Variants in TARS3 observed in about 807,000 individuals in gnomAD.
TARS3 encodes threonine--tRNA ligase 2, cytoplasmic.
Under a neutral mutation model 103.5 loss-of-function variants are expected in TARS3, and 94 were observed. The ratio of observed to expected loss-of-function variants is 0.91; its 90% CI spans 0.77 to 1.08. TARS3 has a LOEUF of 1.08. TARS3 is among the 50% of genes least tolerant of loss of function. The pLI, the probability that TARS3 is intolerant of heterozygous loss-of-function variation, is 0.00. For missense variants in TARS3, 952 were observed against 995.2 expected, an observed-to-expected ratio of 0.96 and a Z score of 0.58; for synonymous variants, 416 against 355.4, an observed-to-expected ratio of 1.17 and a Z score of -1.92.
chr15:101,710,009 T>A (rs1488108438), intron 5 of TARS3, among the ~76,000 whole-genome samples: 1 of 152,084 alleles, frequency 6.6e-6, no homozygotes, highest in Non-Finnish European at 1.5e-5. Flanking sequence ...CAAGGCATGA[T>A]TAAAGGGTTG....
chr15:101,700,803 G>A (rs566741350), intron 10 of TARS3, among the ~76,000 whole-genome samples: 5 of 151,948 alleles, frequency 3.3e-5, no homozygotes, highest in East Asian at 1.9e-4. Flanking sequence ...CACCACACTC[G>A]GCTAATTTTT....
intron 18 of TARS3, 88 bp downstream of exon 18, chr15:101,656,834 A>G (rs1272413067): frequency 2.6e-6 from 2 of 757,880 alleles, no homozygotes; most frequent in South Asian, 1.8e-5. Context: ...ATGATAATCA[A>G]GTAGTTGAAC....
chr15:101,724,012 G>A (rs1900630929), intron 1 of TARS3, 79 bp downstream of exon 1: 1 of 1,255,814 alleles, frequency 8.0e-7, no homozygotes, highest in South Asian at 2.1e-5. Flanking sequence ...ACCTGCCCCC[G>A]CAGTTGAAAA....
chr15:101,710,371 C>T (rs148617033), intron 5 of TARS3, among the ~76,000 whole-genome samples: 41 of 152,264 alleles, frequency 2.7e-4, no homozygotes, highest in African/African-American at 9.9e-4. Flanking sequence ...TTATTGAACC[C>T]AAGGATGGGG....
At chr15:101,702,867 C>A (rs1899351755) in intron 8 of TARS3, among the ~76,000 whole-genome samples, 2 of 152,166 alleles carry the variant, frequency 1.3e-5, no homozygotes, top group South Asian at 4.1e-4. Context: ...TAAACCTTCC[C>A]AGCCTAAATT....
chr15:101,691,437 G>A (rs1898719963), intron 10 of TARS3, among the ~76,000 whole-genome samples: 1 of 151,774 alleles, frequency 6.6e-6, no homozygotes, highest in East Asian at 1.9e-4. Context: ...GCACCACTAC[G>A]CCTGGCTAAT....
intron 13 of TARS3, among the ~76,000 whole-genome samples, chr15:101,674,124 G>T (rs1006480949): frequency 1.3e-5 from 2 of 152,216 alleles, no homozygotes; most frequent in African/African-American, 4.8e-5. Flanking sequence ...GATGTGAACC[G>T]TCCTTTCGTC....
chr15:101,654,603 G>A lies in TARS3; in HGVS notation c.2388C>T (p.Leu796=). The A allele has an allele frequency of 6.2e-7, 1 of 1,613,942 alleles. No individual in the cohort carries two copies. The change falls in exon 19 of 19, where the codon CTC becomes CTT. Residue 796 remains leucine, a synonymous_variant. Coordinates refer to ENST00000335968, the MANE Select transcript of TARS3 (RefSeq NM_152334.3). ...GACTTCAAAAGGCCTCCTCAGCATT[G>A]AGTGTCCGTGTCTTCCTGAGATTCT... ...KLKNLRKTRT[L]NAEEAF is the part of the protein sequence containing the mutation.
rs535133480 is a variant in TARS3 at position 101,657,088 on chromosome 15, A to C, written c.2146-52T>G. 18 of 1,211,120 alleles carry C rather than the reference A, an allele frequency of 1.5e-5. No homozygotes were observed. The East Asian group carries it at 4.0e-4, about 27-fold the overall frequency. 75.0% of individuals were successfully genotyped at this position (1,211,120 alleles called of 1,614,324 possible). ...GTTACATTATGGTACCTAGCCTCCA[A>C]GAAGACCCCGTTGTTCCCCACTCTT... On this transcript the variant is annotated intron_variant, in intron 17 of 18. Transcript: ENST00000335968.
intron 3 of TARS3, among the ~76,000 whole-genome samples, chr15:101,716,708 C>T (rs568771325): frequency 2.2e-4 from 33 of 152,258 alleles, no homozygotes; most frequent in African/African-American, 6.5e-4. Flanking sequence ...TCTGGAAGTA[C>T]AACTGCTAGG....
rs760268472 is a variant in TARS3 at position 101,711,904 on chromosome 15, TA to T, written c.787del (p.Tyr263IlefsTer27). 1.2e-6 allele frequency: 2 copies of T among 1,613,942 alleles called. No individual in the cohort carries two copies. The highest frequency in any genetic ancestry group is 4.5e-5 in the East Asian group (2 of 44,876). ...CYGPPIENGF[Y>X]YDMFIEDRAV... ...CCTGTCTTCAATGAACATGTCATAA[TA>T]AAATCCATTTTCAATGGGCGGACCG... On this transcript the variant is annotated frameshift_variant, in exon 5 of 19. Coordinates refer to ENST00000335968, the MANE Select transcript of TARS3 (RefSeq NM_152334.3). LOFTEE classifies it high-confidence loss of function.
chr15:101,698,322 G>C (rs1414484695), intron 10 of TARS3, among the ~76,000 whole-genome samples: 1 of 151,930 alleles, frequency 6.6e-6, no homozygotes, highest in African/African-American at 2.4e-5. Context: ...GACACAGCGA[G>C]ACTCTGTCTC....
intron 18 of TARS3, chr15:101,655,837 A>T: frequency 2.4e-6 from 3 of 1,255,922 alleles, no homozygotes; most frequent in Non-Finnish European, 3.1e-6. Flanking sequence ...GGGAGCTCTT[A>T]CAGGCTCACG....
chr15:101,683,841 A>C (rs1337394563), intron 12 of TARS3, among the ~76,000 whole-genome samples: 1 of 152,216 alleles, frequency 6.6e-6, no homozygotes, highest in Non-Finnish European at 1.5e-5. Flanking sequence ...AATCCCTTAA[A>C]ATACTCCACT....
In TARS3 at chr15:101,691,670, T is replaced by G. The variant is rs575336584; in HGVS notation, c.1321-5608A>C. Among the ~76,000 whole-genome samples the G allele has an allele frequency of 1.6e-3, 244 of 152,312 alleles. 6 individuals carry two copies. The highest frequency in any genetic ancestry group is 6.8e-3 in the Middle Eastern group (2 of 294). On this transcript the variant is annotated intron_variant, in intron 10 of 18. Transcript: ENST00000335968. ...ACAAATAGTAAAAGAGTTACCTTTT[T>G]TGTGTGTGTGACAAGAGCAGTTAAA...
intron 12 of TARS3, among the ~76,000 whole-genome samples, chr15:101,681,200 A>T (rs889992676): frequency 1.3e-5 from 2 of 152,218 alleles, no homozygotes; most frequent in African/African-American, 2.4e-5. Context: ...GAAACCAAGC[A>T]TAGTGACTCT....
intron 6 of TARS3, among the ~76,000 whole-genome samples, chr15:101,707,549 T>C (rs1438144938): frequency 1.3e-5 from 2 of 152,146 alleles, no homozygotes; most frequent in African/African-American, 4.8e-5. Context: ...AATATTAAAA[T>C]ATGGATGAAT....
chr15:101,693,889 G>A (rs1898847314), intron 10 of TARS3, among the ~76,000 whole-genome samples: 1 of 152,124 alleles, frequency 6.6e-6, no homozygotes. Flanking sequence ...GGCTGGGGAG[G>A]ATTTGATTTT....
intron 13 of TARS3, among the ~76,000 whole-genome samples, chr15:101,673,386 T>C (rs1261230386): frequency 6.6e-6 from 1 of 152,152 alleles, no homozygotes; most frequent in African/African-American, 2.4e-5. Flanking sequence ...ACCTGACATC[T>C]ACTGGGCACT....
Sources: gnomAD v4.1 joint callset for allele counts (sites outside exome capture counted in the v4.1 genomes callset) on GRCh38, gnomAD v4.1.1 for gene constraint, MANE v1.5 for transcripts, NCBI Gene and HGNC (gene_info 2026-07-23, HGNC 2026-07-21) for gene names.